The following FAM167A variants were observed in gnomAD, a reference collection of about 807,000 sequenced individuals.
FAM167A encodes protein FAM167A.
In FAM167A, 23 loss-of-function variants were observed where a neutral mutation model predicts 14.9. The ratio of observed to expected loss-of-function variants is 1.55; its 90% CI spans 1.11 to 2.19. The LOEUF is 2.19. Ranked by LOEUF, FAM167A falls within the 30% of genes most tolerant of loss-of-function variation. The probability of loss-of-function intolerance (pLI) is 0.00; values close to 1 mark genes in which losing one functional copy is unlikely to be tolerated. For missense variants in FAM167A, 401 were observed against 281.5 expected (o/e 1.42, Z -3.04); for synonymous variants, 174 against 117.7 (o/e 1.48, Z -3.10).
rs187220854 is a variant in FAM167A at position 11,431,344 on chromosome 8, A to G, written c.382-6708T>C. 2.3e-4 allele frequency among the ~76,000 whole-genome samples: 35 copies of G among 152,344 alleles called. 1 individual carries two copies. The highest frequency in any genetic ancestry group is 7.5e-4 in the African/African-American group (31 of 41,580). ...TAGAAGAGGTTCCTAGCGTAGTCCAATTCATAGTGATGGAAAGCAGGACAG... is the reference window on the plus strand; with the variant it reads ...TAGAAGAGGTTCCTAGCGTAGTCCAGTTCATAGTGATGGAAAGCAGGACAG... On this transcript the variant is annotated intron_variant, in intron 2 of 2. Transcript: ENST00000284486.
intron 1 of FAM167A, among the ~76,000 whole-genome samples, chr8:11,460,007 C>T (rs754451522): frequency 1.3e-5 from 2 of 152,216 alleles, no homozygotes; most frequent in Non-Finnish European, 2.9e-5. Flanking sequence ...CGATTACAGG[C>T]GTGAGCCACC....
intron 2 of FAM167A, among the ~76,000 whole-genome samples, chr8:11,442,714 G>C (rs538426550): frequency 2.0e-5 from 3 of 152,002 alleles, no homozygotes; most frequent in African/African-American, 4.8e-5. Context: ...AGAGCACCAG[G>C]GGTGATAGAG....
At position 11,424,284 on chromosome 8, in the gene FAM167A, C is replaced by A. The variant is rs1005107747; in HGVS notation, c.*89G>T. The A allele has an allele frequency of 9.1e-5, 142 of 1,556,286 alleles. No homozygotes were observed. The highest frequency in any genetic ancestry group is 1.2e-4 in the Non-Finnish European group (137 of 1,145,206). ...CCCAGGGACCCCTGCCTCCGGGAGACCCACTGGAGTAACTTGGCCTCAGCT... is the reference window on the plus strand; with the variant it reads ...CCCAGGGACCCCTGCCTCCGGGAGAACCACTGGAGTAACTTGGCCTCAGCT... On this transcript the variant is annotated 3_prime_UTR_variant, in exon 3 of 3. Coordinates refer to ENST00000284486, the MANE Select transcript of FAM167A (RefSeq NM_053279.3).
intron 1 of FAM167A, among the ~76,000 whole-genome samples, chr8:11,474,889 C>T (rs1164463615): frequency 1.3e-5 from 2 of 151,264 alleles, no homozygotes; most frequent in Non-Finnish European, 2.9e-5. Flanking sequence ...ATAACATCAA[C>T]AGCGAAGGCG....
In FAM167A at chr8:11,421,489, T is replaced by C. The variant is rs192267276; in HGVS notation, c.*2884A>G. The C allele has an allele frequency of 5.6e-6, 2 of 356,766 alleles. No homozygotes were observed. Among genetic ancestry groups the C allele is most frequent in the Non-Finnish European group, 5.0e-6 (1 of 200,336 alleles). 22.1% of individuals were successfully genotyped at this position (356,766 alleles called of 1,614,324 possible). A position where few individuals can be genotyped will look rare whatever the true frequency, so the allele number is the denominator to read the frequency against. ...ATTTTTCTCTCCTTTTATTTTTATA[T>C]GGATATCTTCTTTTGAAGTATTTTT... On this transcript the variant is annotated 3_prime_UTR_variant, in exon 3 of 3. Coordinates refer to ENST00000284486, the MANE Select transcript of FAM167A (RefSeq NM_053279.3).
upstream of FAM167A, among the ~76,000 whole-genome samples, chr8:11,471,194 C>T (rs868295806): frequency 1.3e-5 from 2 of 152,166 alleles, no homozygotes; most frequent in South Asian, 2.1e-4. Context: ...CACTCTGAGG[C>T]AGCAGAGGGA....
chr8:11,421,811 C>G lies in FAM167A; in HGVS notation c.*2562G>C. The stretch of plus-strand genomic sequence containing the variant: ...ATAATGAGTACAACTGCAAACAGCA[C>G]TGTACACATGTGGTGAGCCAGGAGG... On this transcript the variant is annotated 3_prime_UTR_variant, in exon 3 of 3. Coordinates refer to ENST00000284486, the MANE Select transcript of FAM167A (RefSeq NM_053279.3). 2.5e-6 allele frequency: 1 copy of G among 398,838 alleles called. No individual in the cohort carries two copies. 24.7% of individuals were successfully genotyped at this position (398,838 alleles called of 1,614,324 possible). A position where few individuals can be genotyped will look rare whatever the true frequency, so the allele number is the denominator to read the frequency against.
chr8:11,433,221 T>G lies in FAM167A; in HGVS notation c.382-8585A>C, dbSNP rs183131307. On this transcript the variant is annotated intron_variant, in intron 2 of 2. Transcript: ENST00000284486. ...AAGTATGATAAAAAAAAATAAAAAA[T>G]AAAAAAGAACATGTAATTGTCCGAC... is the stretch of plus-strand genomic sequence containing the variant. Among the ~76,000 whole-genome samples, 337 of 151,580 alleles carry G rather than the reference T, an allele frequency of 2.2e-3. 4 individuals are homozygous for G. The highest frequency in any genetic ancestry group is 2.5e-3 in the East Asian group (13 of 5,170).
At chr8:11,463,529 A>G (rs915352060) in intron 1 of FAM167A, among the ~76,000 whole-genome samples, 5 of 152,190 alleles carry the variant, frequency 3.3e-5, no homozygotes, top group Admixed American at 1.3e-4. Flanking sequence ...CCAGCCTTCG[A>G]GAAGGCCTGG....
In FAM167A at chr8:11,434,949, C is replaced by G. The variant is rs1805901424; in HGVS notation, c.381+9082G>C. 3 of 443,034 alleles carry G rather than the reference C, an allele frequency of 6.8e-6. No homozygotes were observed. The Admixed American group carries it at 7.1e-5, about 11-fold the overall frequency. 27.4% of individuals were successfully genotyped at this position (443,034 alleles called of 1,614,324 possible). A position where few individuals can be genotyped will look rare whatever the true frequency, so the allele number is the denominator to read the frequency against. ...GCTGGGTGAGGACAGGCCCAGAGGA[C>G]AGCATCACTGGCACCCACCCCTGCA... is the stretch of plus-strand genomic sequence containing the variant. On this transcript the variant is annotated intron_variant, in intron 2 of 2. Coordinates refer to ENST00000284486, the MANE Select transcript of FAM167A (RefSeq NM_053279.3).
chr8:11,430,353 T>C (rs557189426), intron 2 of FAM167A, among the ~76,000 whole-genome samples: 15 of 152,334 alleles, frequency 9.8e-5, no homozygotes, highest in African/African-American at 3.6e-4. Context: ...CGTGGCCCCT[T>C]TGAAACAGCT....
intron 1 of FAM167A, among the ~76,000 whole-genome samples, chr8:11,456,249 TG>T: frequency 2.3e-4 from 1 of 4,426 alleles, no homozygotes; most frequent in African/African-American, 8.2e-4. Context: ...GTTGCCTTGC[TG>T]TGTGTGTGAG....
At chr8:11,433,457 C>T (rs6984212) in intron 2 of FAM167A, among the ~76,000 whole-genome samples, 131,659 of 152,218 alleles carry the variant, frequency 0.86, 57,318 homozygotes, top group African/African-American at 0.95. Context: ...CTTTGGCTTA[C>T]GAAACCCTCT....
chr8:11,449,819 C>T (rs905423198), intron 1 of FAM167A, among the ~76,000 whole-genome samples: 2 of 152,220 alleles, frequency 1.3e-5, no homozygotes, highest in African/African-American at 4.8e-5. Flanking sequence ...CCTTCGCCAA[C>T]CATGAGCTAA....
chr8:11,427,192 C>G (rs1413536400), intron 2 of FAM167A, among the ~76,000 whole-genome samples: 2 of 152,184 alleles, frequency 1.3e-5, no homozygotes, highest in South Asian at 2.1e-4. Flanking sequence ...GTATTTTCTG[C>G]TCATGTTTAA....
intron 1 of FAM167A, among the ~76,000 whole-genome samples, chr8:11,473,570 A>G (rs895308148): frequency 6.6e-6 from 1 of 152,154 alleles, no homozygotes; most frequent in Non-Finnish European, 1.5e-5. Flanking sequence ...TGTTCAAACA[A>G]AAAGAACGCA....
At chr8:11,457,889 G>T (rs1807396879) in intron 1 of FAM167A, among the ~76,000 whole-genome samples, 1 of 152,178 alleles carries the variant, frequency 6.6e-6, no homozygotes, top group Non-Finnish European at 1.5e-5. Flanking sequence ...CTTGAACTGT[G>T]GGAGTCTGTG....
At chr8:11,438,412 G>A (rs911260952) in intron 2 of FAM167A, 2 of 452,632 alleles carry the variant, frequency 4.4e-6, no homozygotes, top group Non-Finnish European at 8.9e-6. Context: ...GGAGATTGAA[G>A]GCCTTACTTT....
chr8:11,437,230 G>C (rs534566736), intron 2 of FAM167A, among the ~76,000 whole-genome samples: 183 of 152,244 alleles, frequency 1.2e-3, no homozygotes, highest in Non-Finnish European at 2.2e-3. Flanking sequence ...ATTGATCTTG[G>C]GCAAGTTTTT....
Sources: allele counts gnomAD v4.1 joint callset (sites outside exome capture counted in the v4.1 genomes callset), GRCh38; gene constraint gnomAD v4.1.1; transcripts MANE v1.5; gene names NCBI Gene and HGNC (gene_info 2026-07-23, HGNC 2026-07-21).